The following CCDC178 variants were observed in gnomAD, a reference collection of about 807,000 sequenced individuals.
CCDC178 encodes the protein coiled-coil domain-containing protein 178.
Under a neutral mutation model 117.4 loss-of-function variants are expected in CCDC178, and 126 were observed. The observed-to-expected ratio is 1.07, with a 90% CI of 0.93 to 1.24. The LOEUF is 1.24. CCDC178 is among the 50% of genes most tolerant of loss of function. The probability of loss-of-function intolerance (pLI) is 0.00; values close to 1 mark genes in which losing one functional copy is unlikely to be tolerated. For missense variants in CCDC178, 1,030 were observed against 986.9 expected (o/e 1.04, Z -0.59); for synonymous variants, 283 against 313.4 (o/e 0.90, Z 1.02).
intron 14 of CCDC178, among the ~76,000 whole-genome samples, chr18:33,254,251 AAC>A (rs34689445): frequency 0.45 from 60,237 of 135,088 alleles, 13,184 homozygotes; most frequent in Admixed American, 0.5. Flanking sequence ...TCTATTGAGA[AAC>A]ACACACACAC....
At chr18:33,133,554 A>G (rs2058090212) in intron 20 of CCDC178, among the ~76,000 whole-genome samples, 1 of 151,884 alleles carries the variant, frequency 6.6e-6, no homozygotes, top group Non-Finnish European at 1.5e-5. Context: ...TTCCACAACA[A>G]GCATGTGAGG....
intron 5 of CCDC178, among the ~76,000 whole-genome samples, chr18:33,386,033 C>A (rs2063487436): frequency 6.6e-6 from 1 of 151,980 alleles, no homozygotes; most frequent in South Asian, 2.1e-4. Context: ...ACTGACCCCA[C>A]AGAAATACAA....
chr18:33,006,109 T>G (rs569996189), intron 21 of CCDC178, among the ~76,000 whole-genome samples: 3 of 152,208 alleles, frequency 2.0e-5, no homozygotes, highest in South Asian at 2.1e-4. Context: ...TAACATCATA[T>G]TTTTAGACTA....
At chr18:33,135,438 A>T (rs1659193016) in intron 20 of CCDC178, among the ~76,000 whole-genome samples, 1 of 152,184 alleles carries the variant, frequency 6.6e-6, no homozygotes, top group Admixed American at 6.5e-5. Flanking sequence ...TCAAAAATCA[A>T]TTTGATCTAT....
intron 21 of CCDC178, among the ~76,000 whole-genome samples, chr18:33,034,817 T>G (rs1487302310): frequency 6.6e-6 from 1 of 152,042 alleles, no homozygotes; most frequent in South Asian, 2.1e-4. Flanking sequence ...TAAATTGAAT[T>G]AATTATAATT....
At chr18:33,407,409 AG>A (rs2063795838) in intron 3 of CCDC178, among the ~76,000 whole-genome samples, 1 of 152,294 alleles carries the variant, frequency 6.6e-6, no homozygotes, top group South Asian at 2.1e-4. Flanking sequence ...AGAAAGTAGA[AG>A]GAAGAGAAGG....
intron 21 of CCDC178, among the ~76,000 whole-genome samples, chr18:33,011,805 A>AAAAAAAAAAAAC (rs2055876655): frequency 7.1e-6 from 1 of 141,570 alleles, no homozygotes; most frequent in Admixed American, 7.1e-5. Flanking sequence ...AAAAAAAAAA[A>AAAAAAAAAAAAC]AAAGGACACA....
At chr18:32,971,890 T>C (rs1598743382) in intron 22 of CCDC178, among the ~76,000 whole-genome samples, 1 of 152,158 alleles carries the variant, frequency 6.6e-6, no homozygotes, top group African/African-American at 2.4e-5. Flanking sequence ...TGTTAATTTG[T>C]TTAAGTTCCT....
intron 3 of CCDC178, among the ~76,000 whole-genome samples, chr18:33,404,492 A>G (rs2063754668): frequency 6.6e-6 from 1 of 152,122 alleles, no homozygotes. Context: ...ACTGGAGTCC[A>G]TGTATTTTGT....
At chr18:33,097,129 C>T (rs982263947) in intron 20 of CCDC178, among the ~76,000 whole-genome samples, 4 of 152,048 alleles carry the variant, frequency 2.6e-5, no homozygotes, top group Non-Finnish European at 5.9e-5. Flanking sequence ...TCCAGCTAAT[C>T]GAGGATGCTA....
At chr18:33,174,220 T>G (rs2144439597) in intron 20 of CCDC178, among the ~76,000 whole-genome samples, 1 of 152,100 alleles carries the variant, frequency 6.6e-6, no homozygotes, top group Non-Finnish European at 1.5e-5. Flanking sequence ...TGTAACAAAT[T>G]ACTGACTGTC....
At chr18:33,075,551 C>T in intron 21 of CCDC178, among the ~76,000 whole-genome samples, 1 of 152,102 alleles carries the variant, frequency 6.6e-6, no homozygotes, top group East Asian at 1.9e-4. Flanking sequence ...TACTATGTAA[C>T]TTCAAAAATT....
At chr18:33,229,509 T>C (rs2059346525) in intron 15 of CCDC178, among the ~76,000 whole-genome samples, 1 of 152,196 alleles carries the variant, frequency 6.6e-6, no homozygotes, top group Non-Finnish European at 1.5e-5. Flanking sequence ...CAATGAAATC[T>C]ATAAAATAGT....
intron 3 of CCDC178, among the ~76,000 whole-genome samples, chr18:33,411,735 T>C (rs1366824386): frequency 6.6e-6 from 1 of 152,166 alleles, no homozygotes; most frequent in Non-Finnish European, 1.5e-5. Context: ...CGAGAAGAGA[T>C]ATATACAAGA....
At chr18:33,229,448 G>A (rs2059345765) in intron 15 of CCDC178, among the ~76,000 whole-genome samples, 1 of 152,100 alleles carries the variant, frequency 6.6e-6, no homozygotes, top group Non-Finnish European at 1.5e-5. Flanking sequence ...TAGTAATGAT[G>A]GCTAAGATAC....
intron 11 of CCDC178, among the ~76,000 whole-genome samples, chr18:33,303,582 G>C (rs961975116): frequency 6.6e-6 from 1 of 151,918 alleles, no homozygotes; most frequent in South Asian, 2.1e-4. Flanking sequence ...CAGACAGTAT[G>C]GGGGATGAGG....
chr18:33,002,402 C>T (rs2055654976), intron 21 of CCDC178, among the ~76,000 whole-genome samples: 1 of 150,538 alleles, frequency 6.6e-6, no homozygotes, highest in Non-Finnish European at 1.5e-5. Flanking sequence ...ACTAAACAAA[C>T]ATATGGAATT....
At chr18:33,058,072 C>A (rs1337234561) in intron 21 of CCDC178, among the ~76,000 whole-genome samples, 3 of 147,132 alleles carry the variant, frequency 2.0e-5, no homozygotes, top group Non-Finnish European at 3.0e-5. Flanking sequence ...GGTACTGCCA[C>A]TTTGGAAAAA....
intron 20 of CCDC178, among the ~76,000 whole-genome samples, chr18:33,156,001 G>GT (rs1234083788): frequency 5.3e-4 from 73 of 137,038 alleles, no homozygotes; most frequent in Admixed American, 3.4e-3. Context: ...GAAATCTTTA[G>GT]TAAAAAAAAA....
Sources: gnomAD v4.1 joint callset for allele counts (sites outside exome capture counted in the v4.1 genomes callset) on GRCh38, gnomAD v4.1.1 for gene constraint, MANE v1.5 for transcripts, NCBI Gene and HGNC (gene_info 2026-07-23, HGNC 2026-07-21) for gene names.